Variants in POLA1 observed in about 807,000 individuals in gnomAD.
The protein encoded by POLA1 is DNA polymerase alpha 1, catalytic subunit, also known as DNA polymerase alpha catalytic subunit.
A neutral mutation model predicts 124.0 loss-of-function variants in POLA1; 15 were observed. The ratio of observed to expected loss-of-function variants is 0.12; its 90% CI spans 0.08 to 0.19. The LOEUF (loss-of-function observed/expected upper bound fraction) is 0.19. Among genes scored for constraint, POLA1 ranks in the 10% least tolerant of loss-of-function variants. POLA1 has a pLI of 1.00. For missense variants in POLA1, 886 were observed against 1,103.4 expected (o/e 0.80, Z 2.79); for synonymous variants, 408 against 389.4 (o/e 1.05, Z -0.56).
At chrX:24,821,393 A>G (rs2046084887) in intron 30 of POLA1, 59 bp from the exon 31 acceptor site, 2 of 973,517 alleles carry the variant, frequency 2.1e-6, no homozygotes, top group African/African-American at 3.9e-5. Context: ...TTTTTAGTGT[A>G]TATCTGTGTA....
intron 34 of POLA1, among the ~76,000 whole-genome samples, chrX:24,856,823 A>T (rs1217181999): frequency 9.1e-6 from 1 of 109,741 alleles, no homozygotes; most frequent in Non-Finnish European, 1.9e-5. Context: ...GTTTTCCCCC[A>T]TTTAAAAAAA....
chrX:24,922,975 T>C lies in POLA1; in HGVS notation c.4165-7478T>C, dbSNP rs1235282608. Among the ~76,000 whole-genome samples the C allele has an allele frequency of 2.7e-5, 3 of 112,016 alleles. No individual in the cohort carries two copies. The Admixed American group carries it at 2.8e-4, about 11-fold the overall frequency. ...ATGTAAGAGAGGGCAAATTCAATCT[T>C]TTTTTGACATTAGGTTAACCTAGAA... On this transcript the variant is annotated intron_variant, in intron 35 of 36. Coordinates refer to ENST00000379068, the MANE Select transcript of POLA1 (RefSeq NM_001330360.2).
At position 24,789,636 on chromosome X, in the gene POLA1, ATCT is replaced by A. The variant is rs1343458111; in HGVS notation, c.2965-20257_2965-20255del. 6.3e-5 allele frequency among the ~76,000 whole-genome samples: 7 copies of A among 111,670 alleles called. No individual in the cohort carries two copies. The South Asian group carries it at 1.9e-3, about 30-fold the overall frequency. ...CCCCTTTTTTCTATATGCATTTTAG[ATCT>A]TCTTTGCTGAAGTAACAGCTTGTTA... On this transcript the variant is annotated intron_variant, in intron 26 of 36. Transcript: ENST00000379068.
intron 26 of POLA1, among the ~76,000 whole-genome samples, chrX:24,754,362 A>T (rs1039806451): frequency 9.2e-6 from 1 of 108,500 alleles, no homozygotes; most frequent in Non-Finnish European, 1.9e-5. Flanking sequence ...GGTTCAAGCG[A>T]TTCTCCTGCC....
At chrX:24,904,869 A>G (rs1445981087) in intron 35 of POLA1, among the ~76,000 whole-genome samples, 1 of 110,981 alleles carries the variant, frequency 9.0e-6, no homozygotes, top group Non-Finnish European at 1.9e-5. Context: ...TACTAAAAAG[A>G]CAAGCGTTAG....
chrX:24,966,955 TA>T (rs893765012), intron 36 of POLA1, among the ~76,000 whole-genome samples: 2 of 112,394 alleles, frequency 1.8e-5, no homozygotes, highest in African/African-American at 6.5e-5. Context: ...AAATAGAGCA[TA>T]TTTTTTACTG....
chrX:24,915,532 A>G (rs181552186), intron 35 of POLA1, among the ~76,000 whole-genome samples: 16 of 111,946 alleles, frequency 1.4e-4, no homozygotes, highest in African/African-American at 5.2e-4. Flanking sequence ...AAGTTGCTCT[A>G]TAAAAGTTTA....
intron 2 of POLA1, 58 bp from the exon 3 acceptor site, chrX:24,703,193 A>G: frequency 1.2e-6 from 1 of 868,420 alleles, no homozygotes; most frequent in African/African-American, 2.0e-5. Flanking sequence ...CATCAGAATT[A>G]TTTAACACTT....
intron 20 of POLA1, among the ~76,000 whole-genome samples, chrX:24,741,134 T>C (rs1228725301): frequency 4.8e-5 from 4 of 82,897 alleles, no homozygotes; most frequent in Non-Finnish European, 2.6e-5. Context: ...TGTGTGTGTG[T>C]GTGTGTGTGT....
At chrX:24,943,243 G>T in intron 36 of POLA1, among the ~76,000 whole-genome samples, 1 of 112,005 alleles carries the variant, frequency 8.9e-6, no homozygotes, top group Non-Finnish European at 1.9e-5. Flanking sequence ...AAAGGAGTGT[G>T]GTAAGACAAA....
At chrX:24,982,240 C>CA (rs201924941) in intron 36 of POLA1, among the ~76,000 whole-genome samples, 5,050 of 106,427 alleles carry the variant, frequency 0.047, 315 homozygotes, top group African/African-American at 0.16. Context: ...ACTGCTGCCA[C>CA]AAAAAAAAAG....
intron 34 of POLA1, among the ~76,000 whole-genome samples, chrX:24,849,244 T>C (rs1003505167): frequency 1.3e-4 from 15 of 112,848 alleles, no homozygotes; most frequent in African/African-American, 4.8e-4. Flanking sequence ...CCATTCAACA[T>C]CACAGGCAGC....
At chrX:24,886,579 G>A (rs1848461794) in intron 34 of POLA1, among the ~76,000 whole-genome samples, 1 of 111,544 alleles carries the variant, frequency 9.0e-6, no homozygotes, top group East Asian at 2.8e-4. Context: ...AGCCTATTCC[G>A]AGGAATGAGG....
At chrX:24,754,361 G>A (rs1390237511) in intron 26 of POLA1, among the ~76,000 whole-genome samples, 4 of 108,982 alleles carry the variant, frequency 3.7e-5, no homozygotes, top group African/African-American at 1.0e-4. Context: ...GGGTTCAAGC[G>A]ATTCTCCTGC....
Position 24,717,424 on chromosome X carries a change from A to G in POLA1, c.841A>G (p.Lys281Glu), listed in dbSNP as rs1348718100. 2.5e-6 allele frequency: 3 copies of G among 1,210,002 alleles called. No individual in the cohort carries two copies. The highest frequency in any genetic ancestry group is 4.4e-5 in the Admixed American group (2 of 45,740). The change falls in exon 9 of 37, where the codon AAA (lysine) becomes GAA (glutamate). Residue 281 changes from lysine to glutamate, a missense_variant. Lys to Glu is a moderately conservative substitution (Grantham distance 56). Coordinates refer to ENST00000379068, the MANE Select transcript of POLA1 (RefSeq NM_001330360.2). ...LEPMAAKAWD[K>E]ESEPAEEVKQ... ...GCCTATGGCTGCCAAGGCTTGGGAC[A>G]AAGAGAGTGAGCCAGCAGAGGAAGT...
At chrX:24,925,038 G>A (rs758863975) in intron 35 of POLA1, among the ~76,000 whole-genome samples, 1 of 112,195 alleles carries the variant, frequency 8.9e-6, no homozygotes, top group South Asian at 3.7e-4. Context: ...GTCAGTGCTA[G>A]TGAGGTTTAG....
At chrX:24,749,080 C>T in intron 26 of POLA1, 88 bp downstream of exon 26, 1 of 707,981 alleles carries the variant, frequency 1.4e-6, no homozygotes, top group Non-Finnish European at 2.2e-6. Context: ...AGTTTATTAC[C>T]TAGTTGTACA....
At chrX:24,793,379 C>G (rs142575242) in intron 26 of POLA1, among the ~76,000 whole-genome samples, 10 of 103,069 alleles carry the variant, frequency 9.7e-5, no homozygotes, top group African/African-American at 3.6e-4. Flanking sequence ...GAAGACATTT[C>G]AAAACTGCTT....
At chrX:24,850,558 G>A (rs960506962) in intron 34 of POLA1, among the ~76,000 whole-genome samples, 1 of 111,424 alleles carries the variant, frequency 9.0e-6, no homozygotes, top group Non-Finnish European at 1.9e-5. Context: ...ACATGAACCC[G>A]GTTTGGGGAG....
Sources: gnomAD v4.1 joint callset for allele counts (sites outside exome capture counted in the v4.1 genomes callset) on GRCh38, gnomAD v4.1.1 for gene constraint, MANE v1.5 for transcripts, NCBI Gene and HGNC (gene_info 2026-07-23, HGNC 2026-07-21) for gene names.